NKAIN2: variants seen among roughly 807,000 people sequenced by gnomAD.
The protein encoded by NKAIN2 is sodium/potassium-transporting ATPase subunit beta-1-interacting protein 2.
Under a neutral mutation model 32.6 loss-of-function variants are expected in NKAIN2, and 14 were observed. That is an observed-to-expected ratio of 0.43 (90% CI 0.28 to 0.67). The LOEUF (loss-of-function observed/expected upper bound fraction) is 0.67, where lower values mean the gene tolerates loss of function less well. Among genes scored for constraint, NKAIN2 ranks in the 30% least tolerant of loss-of-function variants. The pLI is 0.17. For missense variants in NKAIN2, 198 were observed against 258.3 expected, an observed-to-expected ratio of 0.77 and a Z score of 1.60; for synonymous variants, 80 against 87.2, an observed-to-expected ratio of 0.92 and a Z score of 0.46.
In NKAIN2 at chr6:124,655,704, T is replaced by TC. The variant is rs576333679; in HGVS notation, c.274-2479dup. 8.3e-4 allele frequency among the ~76,000 whole-genome samples: 126 copies of TC among 152,292 alleles called. 5 individuals carry two copies. In the South Asian group the frequency reaches 0.026, roughly 31 times the overall value. On this transcript the variant is annotated intron_variant, in intron 3 of 6. Transcript: ENST00000368417. Reference sequence around the variant, plus strand: ...TCACTGTCACTGCTTTGGGCTCTGGTCCCTGTTTGCAATTATGATTACCCC... The same window carrying TC: ...TCACTGTCACTGCTTTGGGCTCTGGTCCCCTGTTTGCAATTATGATTACCCC...
chr6:124,536,450 A>G (rs947817263), intron 3 of NKAIN2, among the ~76,000 whole-genome samples: 17 of 151,874 alleles, frequency 1.1e-4, no homozygotes, highest in Admixed American at 1.0e-3. Context: ...GGGATTTTCC[A>G]CAGATGTTCT....
At chr6:124,519,875 G>A (rs528599) in intron 3 of NKAIN2, among the ~76,000 whole-genome samples, 149,845 of 152,342 alleles carry the variant, frequency 0.98, 73,737 homozygotes, top group East Asian at 1. Flanking sequence ...ACGAAATTAT[G>A]TGTAAAATAT....
intron 1 of NKAIN2, among the ~76,000 whole-genome samples, chr6:123,993,902 G>A (rs10046302): frequency 0.042 from 6,331 of 152,126 alleles, 455 homozygotes; most frequent in African/African-American, 0.14. Context: ...ATATATCATG[G>A]CTGTGCTGTA....
At chr6:123,817,724 T>C (rs1039892870) in intron 1 of NKAIN2, among the ~76,000 whole-genome samples, 3 of 152,242 alleles carry the variant, frequency 2.0e-5, no homozygotes, top group Non-Finnish European at 4.4e-5. Context: ...GGTATGTTTC[T>C]AAGCCAGTGG....
At chr6:124,423,541 G>A (rs916551721) in intron 3 of NKAIN2, among the ~76,000 whole-genome samples, 3 of 152,184 alleles carry the variant, frequency 2.0e-5, no homozygotes, top group African/African-American at 7.2e-5. Context: ...ATTAAACAGT[G>A]TTGTGGTCTG....
chr6:124,033,200 T>C (rs1023530541), intron 1 of NKAIN2, among the ~76,000 whole-genome samples: 2 of 152,128 alleles, frequency 1.3e-5, no homozygotes, highest in Admixed American at 1.3e-4. Context: ...GAGTAACATA[T>C]TGTCTGGTTC....
chr6:123,888,753 C>A (rs1773856252), intron 1 of NKAIN2, among the ~76,000 whole-genome samples: 1 of 152,028 alleles, frequency 6.6e-6, no homozygotes, highest in Non-Finnish European at 1.5e-5. Context: ...ATATTTATTC[C>A]TTTCAAATGA....
rs1327963855 is a variant in NKAIN2 at position 123,804,010 on chromosome 6, C to G, written c.-191C>G. 4.5e-6 allele frequency: 2 copies of G among 447,096 alleles called. No homozygotes were observed. Among genetic ancestry groups the G allele is most frequent in the Non-Finnish European group, 8.2e-6 (2 of 245,252 alleles). The allele number at this position is 447,096 out of a possible 1,614,324, so 27.7% of individuals were successfully genotyped here. A position where few individuals can be genotyped will look rare whatever the true frequency, so the allele number is the denominator to read the frequency against. ...GTGTGGCGGGCGCGGCTGGAGCTGC[C>G]GCCGCCGCCGCCGCCGCGCCAGCAG... On this transcript the variant is annotated 5_prime_UTR_variant, in exon 1 of 7. Coordinates refer to ENST00000368417, the MANE Select transcript of NKAIN2 (RefSeq NM_001040214.3).
At chr6:124,296,162 C>T (rs1562477269) in intron 2 of NKAIN2, among the ~76,000 whole-genome samples, 2 of 152,096 alleles carry the variant, frequency 1.3e-5, no homozygotes, top group South Asian at 2.1e-4. Context: ...TAAGCCTCTA[C>T]TCAGCTTTCA....
At chr6:123,935,324 G>T (rs4421219) in intron 1 of NKAIN2, among the ~76,000 whole-genome samples, 2 of 151,472 alleles carry the variant, frequency 1.3e-5, no homozygotes, top group Admixed American at 1.3e-4. Flanking sequence ...GTTTGGCTTA[G>T]AATGTCTGTC....
chr6:123,865,490 C>G (rs954059955), intron 1 of NKAIN2, among the ~76,000 whole-genome samples: 2 of 151,636 alleles, frequency 1.3e-5, no homozygotes, highest in Admixed American at 6.6e-5. Context: ...TCTCATAATC[C>G]TCCTTTATTT....
At chr6:124,765,292 T>A (rs993234864) in intron 4 of NKAIN2, among the ~76,000 whole-genome samples, 1 of 152,172 alleles carries the variant, frequency 6.6e-6, no homozygotes, top group Non-Finnish European at 1.5e-5. Flanking sequence ...TCCAATGGCT[T>A]TATCAAATGA....
intron 3 of NKAIN2, among the ~76,000 whole-genome samples, chr6:124,560,766 A>G (rs1192890359): frequency 6.6e-6 from 1 of 152,236 alleles, no homozygotes; most frequent in African/African-American, 2.4e-5. Flanking sequence ...TTACCACATT[A>G]TATCTCAGAG....
At chr6:123,918,271 C>A (rs1460842162) in intron 1 of NKAIN2, among the ~76,000 whole-genome samples, 1 of 152,148 alleles carries the variant, frequency 6.6e-6, no homozygotes, top group Non-Finnish European at 1.5e-5. Flanking sequence ...TACTGGAGAA[C>A]ATGTTGTTAA....
chr6:124,082,893 A>T (rs1383962551), intron 1 of NKAIN2, among the ~76,000 whole-genome samples: 1 of 152,034 alleles, frequency 6.6e-6, no homozygotes, highest in Non-Finnish European at 1.5e-5. Flanking sequence ...GCAGTGTAGT[A>T]GGTATTTAGG....
intron 3 of NKAIN2, among the ~76,000 whole-genome samples, chr6:124,646,070 A>G (rs531846043): frequency 6.6e-6 from 1 of 152,320 alleles, no homozygotes; most frequent in South Asian, 2.1e-4. Flanking sequence ...ATAAACATTC[A>G]TAAGGGGAAG....
At chr6:124,493,717 CAAAAAA>C (rs71021496) in intron 3 of NKAIN2, among the ~76,000 whole-genome samples, 3 of 85,826 alleles carry the variant, frequency 3.5e-5, no homozygotes, top group Admixed American at 1.4e-4. Context: ...CCCCCCCCTC[CAAAAAA>C]AAAAAAAAAA....
chr6:124,674,551 T>C (rs1278858106), intron 4 of NKAIN2, among the ~76,000 whole-genome samples: 1 of 152,012 alleles, frequency 6.6e-6, no homozygotes, highest in African/African-American at 2.4e-5. Flanking sequence ...TGTTTTATAG[T>C]TTTCAGGGTA....
chr6:124,029,826 C>T (rs980010805), intron 1 of NKAIN2, among the ~76,000 whole-genome samples: 3 of 152,136 alleles, frequency 2.0e-5, no homozygotes, highest in South Asian at 2.1e-4. Context: ...TGTCTTAGCT[C>T]TGCTTCCTGT....
Sources: gnomAD v4.1 joint callset for allele counts (sites outside exome capture counted in the v4.1 genomes callset) on GRCh38, gnomAD v4.1.1 for gene constraint, MANE v1.5 for transcripts, NCBI Gene and HGNC (gene_info 2026-07-23, HGNC 2026-07-21) for gene names.